Variants in DNAH11 observed in about 807,000 individuals in gnomAD.
The protein encoded by DNAH11 is dynein axonemal heavy chain 11, also known as axonemal beta dynein heavy chain 11.
A neutral mutation model predicts 526.0 loss-of-function variants in DNAH11; 442 were observed. That is an observed-to-expected ratio of 0.84 (90% CI 0.78 to 0.91). DNAH11 has a LOEUF of 0.91. DNAH11 is among the 40% of genes least tolerant of loss of function. The probability of loss-of-function intolerance (pLI) is 0.00; values close to 1 mark genes in which losing one functional copy is unlikely to be tolerated. For missense variants in DNAH11, 6,989 were observed against 5,448.7 expected, an observed-to-expected ratio of 1.28 and a Z score of -8.90; for synonymous variants, 2,461 against 1,935.9, an observed-to-expected ratio of 1.27 and a Z score of -7.12.
chr7:21,815,288 A>G (rs1351599531), intron 63 of DNAH11, among the ~76,000 whole-genome samples: 1 of 152,200 alleles, frequency 6.6e-6, no homozygotes. Flanking sequence ...CAGATAGAAG[A>G]TTGCTTATTC....
intron 25 of DNAH11, among the ~76,000 whole-genome samples, chr7:21,629,371 A>G (rs1786494229): frequency 6.6e-6 from 1 of 152,164 alleles, no homozygotes; most frequent in Non-Finnish European, 1.5e-5. Context: ...AAGGATTTGT[A>G]TTCTGCAGTA....
At chr7:21,603,731 A>G (rs1392558506) in intron 18 of DNAH11, among the ~76,000 whole-genome samples, 2 of 152,230 alleles carry the variant, frequency 1.3e-5, no homozygotes, top group Non-Finnish European at 2.9e-5. Context: ...GTTACAGTAG[A>G]AACAACTATA....
intron 30 of DNAH11, among the ~76,000 whole-genome samples, chr7:21,678,948 A>C (rs566913749): frequency 6.6e-6 from 1 of 152,322 alleles, no homozygotes; most frequent in South Asian, 2.1e-4. Context: ...TTGCAGCTTT[A>C]TTCACAATAG....
In DNAH11 at chr7:21,892,517, T is replaced by C. The variant is rs1784360625; in HGVS notation, c.12600T>C (p.Pro4200=). Residue 4200 remains proline, a synonymous_variant, in exon 77 of 82, where the codon CCT becomes CCC. Coordinates refer to ENST00000409508, the MANE Select transcript of DNAH11 (RefSeq NM_001277115.2). ...ACCAGTACATAGAGGAGATGCTTCCTCCAGAAAGCCCGGCACTGTATGGCC... is the reference window on the plus strand; with the variant it reads ...ACCAGTACATAGAGGAGATGCTTCCCCCAGAAAGCCCGGCACTGTATGGCC... ...GYHQYIEEML[P]PESPALYGLH... 6.2e-7 allele frequency: 1 copy of C among 1,613,964 alleles called. No homozygotes were observed. The highest frequency in any genetic ancestry group is 1.3e-5 in the African/African-American group (1 of 75,040).
intron 28 of DNAH11, among the ~76,000 whole-genome samples, chr7:21,648,629 C>G (rs936462830): frequency 1.3e-4 from 20 of 152,160 alleles, no homozygotes; most frequent in African/African-American, 4.3e-4. Flanking sequence ...AACCCAAAAC[C>G]AACACACAGA....
At chr7:21,817,485 A>C (rs1789846878) in intron 64 of DNAH11, among the ~76,000 whole-genome samples, 2 of 135,406 alleles carry the variant, frequency 1.5e-5, no homozygotes, top group African/African-American at 5.5e-5. Flanking sequence ...ATTCAAGACC[A>C]CCCTGAGCGA....
At chr7:21,768,186 G>C (rs924781427) in intron 55 of DNAH11, among the ~76,000 whole-genome samples, 1 of 152,168 alleles carries the variant, frequency 6.6e-6, no homozygotes, top group African/African-American at 2.4e-5. Context: ...ATTTTGAAAT[G>C]GAGATGGGAG....
intron 29 of DNAH11, 63 bp from the exon 30 acceptor site, chr7:21,658,735 G>A (rs1321609683): frequency 9.3e-5 from 130 of 1,392,370 alleles, no homozygotes; most frequent in Non-Finnish European, 1.2e-4. Context: ...AGAGCCAGTA[G>A]GAGGATGAAA....
chr7:21,699,547 T>A (rs1045680191), intron 36 of DNAH11, among the ~76,000 whole-genome samples: 4 of 152,212 alleles, frequency 2.6e-5, no homozygotes, highest in Non-Finnish European at 5.9e-5. Flanking sequence ...TGCTCATTGT[T>A]AGGGCAAAAT....
intron 55 of DNAH11, 35 bp downstream of exon 55, chr7:21,765,624 AC>A: frequency 1.3e-6 from 1 of 760,418 alleles, no homozygotes; most frequent in Middle Eastern, 4.3e-4. Context: ...ACACACACAC[AC>A]ACACACACAC....
At chr7:21,865,322 G>C (rs368823174) in intron 70 of DNAH11, among the ~76,000 whole-genome samples, 111 of 152,226 alleles carry the variant, frequency 7.3e-4, no homozygotes, top group African/African-American at 2.5e-3. Flanking sequence ...TATATGTTCA[G>C]CTTTTTAAAG....
At chr7:21,876,192 A>G (rs1303713015) in intron 74 of DNAH11, among the ~76,000 whole-genome samples, 1 of 152,076 alleles carries the variant, frequency 6.6e-6, no homozygotes, top group East Asian at 1.9e-4. Flanking sequence ...CCAAGGAAGA[A>G]TATTGCTTAT....
rs1376050358 is a variant in DNAH11 at position 21,619,066 on chromosome 7, G to A, written c.4255-34G>A. On this transcript the variant is annotated intron_variant, in intron 23 of 81. Coordinates refer to ENST00000409508, the MANE Select transcript of DNAH11 (RefSeq NM_001277115.2). ...GCAAAAGGAACCGTTCATATATGTG[G>A]AATATAAAGTCTAACTTTTTTTCCC... 5 of 1,612,006 alleles carry A rather than the reference G, an allele frequency of 3.1e-6. No homozygotes were observed. The South Asian group carries it at 5.5e-5, about 18-fold the overall frequency.
At chr7:21,858,968 T>G (rs1182108200) in intron 68 of DNAH11, among the ~76,000 whole-genome samples, 1 of 152,166 alleles carries the variant, frequency 6.6e-6, no homozygotes, top group Non-Finnish European at 1.5e-5. Context: ...ATCTGAAACT[T>G]TTTGAATGCT....
chr7:21,833,655 A>G (rs1781876486), intron 65 of DNAH11, among the ~76,000 whole-genome samples: 1 of 152,198 alleles, frequency 6.6e-6, no homozygotes, highest in African/African-American at 2.4e-5. Flanking sequence ...AGATCGTGCC[A>G]CTGCTCTCCA....
chr7:21,789,047 G>T (rs1788316218), intron 60 of DNAH11, among the ~76,000 whole-genome samples, 194 bp from the exon 61 acceptor site: 1 of 152,084 alleles, frequency 6.6e-6, no homozygotes. Flanking sequence ...TCAGCACTTT[G>T]GGAGGCTGAG....
intron 25 of DNAH11, among the ~76,000 whole-genome samples, chr7:21,622,924 T>C (rs1040941257): frequency 6.6e-6 from 1 of 152,058 alleles, no homozygotes; most frequent in Non-Finnish European, 1.5e-5. Context: ...ACTTCATGTC[T>C]AAAACACCAA....
intron 65 of DNAH11, among the ~76,000 whole-genome samples, chr7:21,829,864 G>C (rs17145622): frequency 0.016 from 2,418 of 152,286 alleles, 60 homozygotes; most frequent in African/African-American, 0.055. Context: ...TCAGGAAACT[G>C]ATCATTGGGA....
At chr7:21,842,336 C>T (rs1782236146) in intron 65 of DNAH11, among the ~76,000 whole-genome samples, 1 of 152,120 alleles carries the variant, frequency 6.6e-6, no homozygotes, top group Non-Finnish European at 1.5e-5. Context: ...GTCAATATTT[C>T]ACATATGAGG....
Sources: allele counts gnomAD v4.1 joint callset (sites outside exome capture counted in the v4.1 genomes callset), GRCh38; gene constraint gnomAD v4.1.1; transcripts MANE v1.5; gene names NCBI Gene and HGNC (gene_info 2026-07-23, HGNC 2026-07-21).